Variants in SCN9A observed in about 807,000 individuals in gnomAD.
The protein encoded by SCN9A is sodium channel protein type 9 subunit alpha.
In SCN9A, 131 loss-of-function variants were observed where a neutral mutation model predicts 187.0. The observed-to-expected ratio is 0.70, with a 90% CI of 0.61 to 0.81. SCN9A has a LOEUF of 0.81. SCN9A is among the 30% of genes least tolerant of loss of function. The probability of loss-of-function intolerance (pLI) is 0.00; values close to 1 mark genes in which losing one functional copy is unlikely to be tolerated. For synonymous variants in SCN9A, 809 were observed against 808.6 expected (o/e 1.00, Z -0.01); for missense variants, 2,252 against 2,396.6 (o/e 0.94, Z 1.26).
rs1697038189 is a variant in SCN9A, at chr2:166,272,488, T to C, written c.3262A>G (p.Thr1088Ala). 6.2e-7 allele frequency: 1 copy of C among 1,612,982 alleles called. No homozygotes were observed. Among genetic ancestry groups the C allele is most frequent in the South Asian group, 1.1e-5 (1 of 90,988 alleles). Residue 1088 changes from threonine (T) to alanine (A), a missense_variant, in exon 17 of 27, where the codon ACA becomes GCA. By Grantham distance (58) the Thr-to-Ala change is moderately conservative. Coordinates refer to ENST00000642356, the MANE Select transcript of SCN9A (RefSeq NM_001365536.1). The stretch of plus-strand genomic sequence containing the variant: ...GATTCCCCAGGTGCAATTGGCACTG[T>C]CACTGTGAGGCTGGGATTGTGAATA... ...SFIHNPSLTV[T>A]VPIAPGESDL...
Position 166,204,007 on chromosome 2 carries a change from G to A in SCN9A, c.4722C>T (p.Phe1574=). 1 of 1,603,466 alleles carries A rather than the reference G, an allele frequency of 6.2e-7. No homozygotes were observed. Among genetic ancestry groups the A allele is most frequent in the African/African-American group, 1.3e-5 (1 of 74,790 alleles). ...AATCAAAAATATTCCATCCTACAGT[G>A]AAGTAGTAGTGTCTGAGGGAGATCA... ...LKLISLRHYY[F]TVGWNIFDFV... Residue 1574 remains phenylalanine (F), a synonymous_variant, in exon 26 of 27, where the codon TTC becomes TTT. Coordinates refer to ENST00000642356, the MANE Select transcript of SCN9A (RefSeq NM_001365536.1).
intron 1 of SCN9A, among the ~76,000 whole-genome samples, chr2:166,324,843 A>G (rs927569922): frequency 6.6e-6 from 1 of 152,196 alleles, no homozygotes; most frequent in Admixed American, 6.5e-5. Flanking sequence ...GACAGCCTAG[A>G]GATGCTTAAG....
At chr2:166,226,890 C>T (rs1694863649) in intron 23 of SCN9A, among the ~76,000 whole-genome samples, 186 bp from the exon 24 acceptor site, 1 of 151,938 alleles carries the variant, frequency 6.6e-6, no homozygotes, top group Admixed American at 6.6e-5. Context: ...TCATTACATA[C>T]TTATTATTTA....
intron 1 of SCN9A, among the ~76,000 whole-genome samples, chr2:166,340,128 T>C (rs940885380): frequency 6.6e-6 from 1 of 152,140 alleles, no homozygotes; most frequent in African/African-American, 2.4e-5. Flanking sequence ...GTCTCCTTAA[T>C]GAAAATGAGT....
intron 1 of SCN9A, among the ~76,000 whole-genome samples, chr2:166,337,576 G>A (rs1020277709): frequency 6.6e-6 from 1 of 152,068 alleles, no homozygotes; most frequent in Non-Finnish European, 1.5e-5. Context: ...CAGCTTGAAT[G>A]GAAGTATTTT....
chr2:166,352,214 C>T (rs1010695874), intron 1 of SCN9A, among the ~76,000 whole-genome samples: 3 of 152,152 alleles, frequency 2.0e-5, no homozygotes, highest in Admixed American at 6.5e-5. Context: ...AGAAAATTTA[C>T]AGTAGATAAA....
chr2:166,346,485 A>G (rs1429336500), intron 1 of SCN9A, among the ~76,000 whole-genome samples: 1 of 152,192 alleles, frequency 6.6e-6, no homozygotes, highest in African/African-American at 2.4e-5. Flanking sequence ...CTTAAAGTAC[A>G]TAATACTTGA....
At chr2:166,373,975 G>A (rs949543701) in intron 1 of SCN9A, among the ~76,000 whole-genome samples, 5 of 152,048 alleles carry the variant, frequency 3.3e-5, no homozygotes, top group African/African-American at 1.2e-4. Flanking sequence ...GAACCCTACT[G>A]ATTGCTCTTC....
At chr2:166,330,811 A>G (rs4273234) in intron 1 of SCN9A, among the ~76,000 whole-genome samples, 152,265 of 152,266 alleles carry the variant, frequency 1, 76,132 homozygotes, top group Non-Finnish European at 1. Context: ...AGGAGGAAGA[A>G]CTCAGGTGGT....
At chr2:166,303,406 C>A (rs1574901726) in intron 6 of SCN9A, 104 bp from the exon 7 acceptor site, 5 of 842,968 alleles carry the variant, frequency 5.9e-6, no homozygotes, top group Non-Finnish European at 9.3e-6. Flanking sequence ...AAATCAATGA[C>A]CTTAAGTAAC....
intron 22 of SCN9A, 57 bp from the exon 23 acceptor site, chr2:166,227,780 TAAAC>T: frequency 1.1e-6 from 1 of 886,578 alleles, no homozygotes; most frequent in Non-Finnish European, 1.8e-6. Context: ...AAAATAGCCA[TAAAC>T]AGAGTTTTGT....
In SCN9A at chr2:166,289,110, CT is replaced by C. The variant is rs559070331; in HGVS notation, c.1108-468del. 3.8e-3 allele frequency among the ~76,000 whole-genome samples: 568 copies of C among 150,448 alleles called. 6 individuals carry two copies. The highest frequency in any genetic ancestry group is 2.5e-3 in the Non-Finnish European group (172 of 67,572). On this transcript the variant is annotated intron_variant, in intron 9 of 26. Coordinates refer to ENST00000642356, the MANE Select transcript of SCN9A (RefSeq NM_001365536.1). ...TCATCTCATAGGTATTTTCAATTAACTTTTTTTTTCGCTTTCTTTGCTTTTT... is the reference window on the plus strand; with the variant it reads ...TCATCTCATAGGTATTTTCAATTAACTTTTTTTTCGCTTTCTTTGCTTTTT...
At chr2:166,330,420 T>C (rs1407965506) in intron 1 of SCN9A, among the ~76,000 whole-genome samples, 1 of 152,040 alleles carries the variant, frequency 6.6e-6, no homozygotes, top group African/African-American at 2.4e-5. Context: ...CATTTTCTCA[T>C]TGTTTGTTTT....
chr2:166,222,001 A>AAACTG (rs1358644681), intron 24 of SCN9A, among the ~76,000 whole-genome samples: 29 of 152,310 alleles, frequency 1.9e-4, no homozygotes, highest in African/African-American at 6.3e-4. Flanking sequence ...TAAGACCTGA[A>AAACTG]AACTGTAAAA....
intron 7 of SCN9A, chr2:166,300,873 A>G (rs1698524445): frequency 6.6e-6 from 1 of 150,720 alleles, no homozygotes; most frequent in African/African-American, 2.5e-5. Context: ...GATAATTCAC[A>G]TAACTCAAGG....
intron 1 of SCN9A, among the ~76,000 whole-genome samples, chr2:166,340,488 TTTTTC>T (rs1345460894): frequency 6.6e-6 from 1 of 150,864 alleles, no homozygotes; most frequent in African/African-American, 2.4e-5. Flanking sequence ...TCTCTTTCTT[TTTTTC>T]TTTCTTTCTT....
At chr2:166,343,664 C>T (rs754141945) in intron 1 of SCN9A, among the ~76,000 whole-genome samples, 11 of 151,866 alleles carry the variant, frequency 7.2e-5, no homozygotes, top group African/African-American at 9.7e-5. Context: ...TTTGGGAGGC[C>T]GAGGGGAGTG....
At chr2:166,233,717 G>A (rs1430203778) in intron 20 of SCN9A, among the ~76,000 whole-genome samples, 1 of 152,062 alleles carries the variant, frequency 6.6e-6, no homozygotes, top group African/African-American at 2.4e-5. Context: ...TAGAAATCAT[G>A]CATATGCTTT....
chr2:166,199,269 A>T lies in SCN9A; in HGVS notation c.5370T>A (p.Asp1790Glu). 6.2e-7 allele frequency: 1 copy of T among 1,614,168 alleles called. No individual in the cohort carries two copies. The highest frequency in any genetic ancestry group is 8.5e-7 in the Non-Finnish European group (1 of 1,180,044). The change falls in exon 27 of 27, where the codon GAT (aspartate) becomes GAA (glutamate). Residue 1790 changes from aspartate to glutamate, a missense_variant. Around this residue, in one of 7 missense-constraint regions of SCN9A, gnomAD observed 345 missense variants for 344.6 expected, o/e 1.00. Coordinates refer to ENST00000642356, the MANE Select transcript of SCN9A (RefSeq NM_001365536.1). ...ACTCTATAAACTGGGTCGCATCGGGATCAAACTTCTCCCAAACCTCATAGA... is the reference window on the plus strand; with the variant it reads ...ACTCTATAAACTGGGTCGCATCGGGTTCAAACTTCTCCCAAACCTCATAGA... ...EMFYEVWEKFDPDATQFIEFS... is the reference protein window; with the variant it reads ...EMFYEVWEKFEPDATQFIEFS...
Sources: gnomAD v4.1 joint callset for allele counts (sites outside exome capture counted in the v4.1 genomes callset) on GRCh38, gnomAD v4.1.1 for gene constraint, gnomAD v4.1.1 regional missense constraint, MANE v1.5 for transcripts, NCBI Gene and HGNC (gene_info 2026-07-23, HGNC 2026-07-21) for gene names.